Variants in STARD13 observed in about 807,000 individuals in gnomAD.
STARD13 encodes the protein stAR-related lipid transfer protein 13.
STARD13 carries 62 observed loss-of-function variants against 106.4 expected under a neutral mutation model. The observed-to-expected ratio is 0.58, with a 90% confidence interval of 0.48 to 0.72. The LOEUF (loss-of-function observed/expected upper bound fraction) is 0.72. STARD13 is among the 30% of genes least tolerant of loss of function. The pLI is 0.00. For missense variants in STARD13, 1,387 were observed against 1,424.0 expected, an observed-to-expected ratio of 0.97 and a Z score of 0.42; for synonymous variants, 565 against 553.0, an observed-to-expected ratio of 1.02 and a Z score of -0.31.
the STARD13 span, among the ~76,000 whole-genome samples, chr13:33,657,832 C>A: frequency 1.3e-5 from 2 of 152,152 alleles, no homozygotes; most frequent in Non-Finnish European, 2.9e-5. Flanking sequence ...TCTACTATTA[C>A]TTCTGATGAT....
Position 33,262,662 on chromosome 13 carries a change from A to ACACACAACACACACACACAC in STARD13, c.169+22807_169+22808insGTGTGTGTGTGTGTTGTGTG, listed in dbSNP as rs5802678. Among the ~76,000 whole-genome samples the ACACACAACACACACACACAC allele has an allele frequency of 6.1e-3, 704 of 114,968 alleles. 13 individuals are homozygous for ACACACAACACACACACACAC. Among genetic ancestry groups the ACACACAACACACACACACAC allele is most frequent in the African/African-American group, 0.022 (664 of 30,524 alleles). 75.4% of individuals were successfully genotyped at this position (114,968 alleles called of 152,430 possible). ...AACCCCCCCCCCCACACACACACAC[A>ACACACAACACACACACACAC]ACACACACACACACACACACACACA... is the stretch of plus-strand genomic sequence containing the variant. On this transcript the variant is annotated intron_variant, in intron 1 of 13. Transcript: ENST00000336934.
At chr13:33,528,277 CTTT>C in the STARD13 span, among the ~76,000 whole-genome samples, 1 of 93,484 alleles carries the variant, frequency 1.1e-5, no homozygotes, top group Non-Finnish European at 1.9e-5. Context: ...TATATATACT[CTTT>C]TTTTTTTTGA....
chr13:33,667,764 CA>C, the STARD13 span, among the ~76,000 whole-genome samples: 1 of 152,238 alleles, frequency 6.6e-6, no homozygotes, highest in African/African-American at 2.4e-5. Context: ...TGGTCTGTTA[CA>C]AAAACATCCC....
At chr13:33,203,293 T>G (rs193134475) in intron 1 of STARD13, among the ~76,000 whole-genome samples, 12 of 152,364 alleles carry the variant, frequency 7.9e-5, no homozygotes, top group African/African-American at 2.9e-4. Context: ...ATGTTCATCA[T>G]GTAAAATGAA....
the STARD13 span, among the ~76,000 whole-genome samples, chr13:33,649,207 G>A: frequency 6.6e-6 from 1 of 152,056 alleles, no homozygotes; most frequent in African/African-American, 2.4e-5. Context: ...GTTTGTTTTG[G>A]GAGTTTGGCC....
At chr13:33,548,585 C>A in the STARD13 span, among the ~76,000 whole-genome samples, 4 of 152,040 alleles carry the variant, frequency 2.6e-5, no homozygotes, top group Non-Finnish European at 4.4e-5. Flanking sequence ...ATATAGTTGG[C>A]ACACTTAATT....
the STARD13 span, among the ~76,000 whole-genome samples, chr13:33,635,708 C>A: frequency 2.0e-5 from 3 of 149,044 alleles, no homozygotes; most frequent in Non-Finnish European, 3.0e-5. Flanking sequence ...ACAGGCTGGG[C>A]GCAGTGGTTC....
the STARD13 span, among the ~76,000 whole-genome samples, chr13:33,366,073 C>T: frequency 1.5e-4 from 22 of 151,620 alleles, no homozygotes; most frequent in Non-Finnish European, 4.4e-5. This position sits in a 1 kb window ranked among gnomAD's most constrained non-coding sequence, Gnocchi z 4.2. Context: ...ATATATATCA[C>T]TTTTGATATA....
At chr13:33,120,795 G>A (rs570611121) in intron 7 of STARD13, among the ~76,000 whole-genome samples, 2 of 150,054 alleles carry the variant, frequency 1.3e-5, no homozygotes, top group African/African-American at 2.4e-5. Context: ...TTTTTGAGAC[G>A]GAGTCTTGCT....
At chr13:33,220,269 G>A (rs978320733) in intron 1 of STARD13, among the ~76,000 whole-genome samples, 4 of 152,204 alleles carry the variant, frequency 2.6e-5, no homozygotes, top group African/African-American at 7.2e-5. Context: ...TCAGGGTCAT[G>A]AAACACATTG....
the STARD13 span, among the ~76,000 whole-genome samples, chr13:33,428,730 G>A: frequency 6.6e-6 from 1 of 152,154 alleles, no homozygotes; most frequent in Non-Finnish European, 1.5e-5. Context: ...CCTACAGAAT[G>A]GGAGAAAATA....
the STARD13 span, among the ~76,000 whole-genome samples, chr13:33,591,079 G>T: frequency 1.5e-3 from 230 of 152,292 alleles, no homozygotes; most frequent in African/African-American, 5.2e-3. Context: ...GACTTGCCTG[G>T]CTCTTGCCAG....
chr13:33,272,954 A>G (rs1163502691), intron 1 of STARD13: 1 of 152,156 alleles, frequency 6.6e-6, no homozygotes, highest in Non-Finnish European at 1.5e-5. Context: ...GGACTCTGAA[A>G]CAATCTCTCT....
chr13:33,570,905 C>G, the STARD13 span, among the ~76,000 whole-genome samples: 1 of 152,276 alleles, frequency 6.6e-6, no homozygotes, highest in Non-Finnish European at 1.5e-5. Context: ...TTCTTTGAAG[C>G]TCTGATTTGA....
At chr13:33,334,959 G>A (rs1273702549) in intron 1 of STARD13, 1 of 152,038 alleles carries the variant, frequency 6.6e-6, no homozygotes, top group Non-Finnish European at 1.5e-5. Flanking sequence ...TGCTCCGTGA[G>A]GTTTGGGTGT....
At position 33,126,233 on chromosome 13, in the gene STARD13, G is replaced by C; in HGVS notation, c.1930C>G (p.Pro644Ala). 1 of 1,614,094 alleles carries C rather than the reference G, an allele frequency of 6.2e-7. No individual in the cohort carries two copies. Among genetic ancestry groups the C allele is most frequent in the Non-Finnish European group, 8.5e-7 (1 of 1,180,006 alleles). ...ACTTTCATCCTCTTCATGAACTTTG[G>C]AACTGACCTAGAATTTACAGAAACC... ...SNKHGWTWSV[P>A]KFMKRMKVPD... Residue 644 changes from proline (P) to alanine (A), a missense_variant, in exon 7 of 14, where the codon CCA (proline) becomes GCA (alanine). Transcript: ENST00000336934.
chr13:33,598,831 T>C, the STARD13 span, among the ~76,000 whole-genome samples: 1 of 152,244 alleles, frequency 6.6e-6, no homozygotes, highest in Non-Finnish European at 1.5e-5. Flanking sequence ...GGGCGGGAGC[T>C]GGGCATTTTT....
intron 1 of STARD13, among the ~76,000 whole-genome samples, chr13:33,198,491 G>T (rs1320328606): frequency 6.6e-6 from 1 of 151,958 alleles, no homozygotes; most frequent in East Asian, 1.9e-4. Context: ...TCTCCAAGAG[G>T]CCTTCCTTAA....
the STARD13 span, among the ~76,000 whole-genome samples, chr13:33,657,107 A>C: frequency 2.6e-5 from 4 of 152,078 alleles, no homozygotes; most frequent in Non-Finnish European, 4.4e-5. Context: ...ATCTCTACTA[A>C]AAAATACAAA....
Sources: allele counts gnomAD v4.1 joint callset (sites outside exome capture counted in the v4.1 genomes callset), GRCh38; gene constraint gnomAD v4.1.1; non-coding constraint Gnocchi (gnomAD v3.1); transcripts MANE v1.5; gene names NCBI Gene and HGNC (gene_info 2026-07-23, HGNC 2026-07-21).